OTOG: variants seen among roughly 807,000 people sequenced by gnomAD.
OTOG encodes the protein otogelin.
OTOG carries 296 observed loss-of-function variants against 313.8 expected under a neutral mutation model. That is an observed-to-expected ratio of 0.94 (90% confidence interval 0.86 to 1.04). The LOEUF is 1.04. Among genes scored for constraint, OTOG ranks in the 50% least tolerant of loss-of-function variants. The pLI is 0.00. For missense variants in OTOG, 3,948 were observed against 3,840.1 expected, an observed-to-expected ratio of 1.03 and a Z score of -0.74; for synonymous variants, 1,533 against 1,554.9, an observed-to-expected ratio of 0.99 and a Z score of 0.33.
chr11:17,593,302 T>C lies in OTOG; in HGVS notation c.3116T>C (p.Val1039Ala). 2 of 1,550,656 alleles carry C rather than the reference T, an allele frequency of 1.3e-6. No homozygotes were observed. Among genetic ancestry groups the C allele is most frequent in the South Asian group, 1.2e-5 (1 of 84,064 alleles). ...ATCAACGTTGGGAACTCACTCATTG[T>C]CTTTGATGATGACTCCGGAAATCCT... is the stretch of plus-strand genomic sequence containing the variant. ...ISINVGNSLI[V>A]FDDDSGNPSP... Residue 1039 changes from valine to alanine, a missense_variant, in exon 26 of 56, where the codon GTC becomes GCC. Val to Ala is a moderately conservative substitution (Grantham distance 64). Transcript: ENST00000399397.
chr11:17,561,601 T>G (rs1303162157), intron 14 of OTOG, 61 bp from the exon 15 acceptor site: 21 of 1,526,658 alleles, frequency 1.4e-5, no homozygotes, highest in South Asian at 3.6e-5. Flanking sequence ...ACTTGGAGCT[T>G]GCAGGGCAGA....
rs1213328932 is a variant in OTOG, at chr11:17,596,160, T to C, written c.3525+6T>C. 1.3e-6 allele frequency: 2 copies of C among 1,543,304 alleles called. No homozygotes were observed. The highest frequency in any genetic ancestry group is 2.4e-5 in the South Asian group (2 of 83,860). ...TTGAGATCTGCCACCCTGTGGTGAG[T>C]GTACCCCAGCCTCGGCTCCTCCCGA... On this transcript the variant is annotated splice_donor_region_variant and intron_variant, in intron 29 of 55. Coordinates refer to ENST00000399397, the MANE Select transcript of OTOG (RefSeq NM_001292063.2).
chr11:17,552,615 TCTCACATC>T (rs1851967783), intron 4 of OTOG, among the ~76,000 whole-genome samples: 3 of 150,858 alleles, frequency 2.0e-5, no homozygotes, highest in African/African-American at 4.9e-5. Flanking sequence ...CCACCTGTCC[TCTCACATC>T]ATGGCTCCTT....
At chr11:17,637,028 T>G (rs1157440652) in intron 47 of OTOG, among the ~76,000 whole-genome samples, 1 of 152,146 alleles carries the variant, frequency 6.6e-6, no homozygotes, top group Non-Finnish European at 1.5e-5. Context: ...TCGTCATACT[T>G]TTGCTATTAC....
chr11:17,576,874 C>T lies in OTOG; in HGVS notation c.2568C>T (p.Cys856=). The change falls in exon 22 of 56, where the codon TGC becomes TGT. Residue 856 remains cysteine (C), a synonymous_variant. Transcript: ENST00000399397. ...SDIPSLGHCH[C]KDGVMSCDSR... ...GGCCCGTCTCTCTCTGCAGCCACTG[C>T]AAAGATGGAGTCATGAGCTGTGATA... 1 of 1,550,422 alleles carries T rather than the reference C, an allele frequency of 6.4e-7. No homozygotes were observed. The highest frequency in any genetic ancestry group is 8.7e-7 in the Non-Finnish European group (1 of 1,146,964).
chr11:17,603,538 C>T (rs1328354197), intron 32 of OTOG, among the ~76,000 whole-genome samples: 1 of 152,158 alleles, frequency 6.6e-6, no homozygotes, highest in African/African-American at 2.4e-5. Flanking sequence ...GCCAGAGGGG[C>T]TCCAGTCCAG....
chr11:17,558,345 C>T, intron 9 of OTOG, 30 bp downstream of exon 9: 2 of 1,548,198 alleles, frequency 1.3e-6, no homozygotes, highest in Middle Eastern at 1.7e-4. Flanking sequence ...ACTCCCCTAC[C>T]CTAGAGCCTG....
chr11:17,555,930 T>C (rs1459632289), intron 7 of OTOG, 33 bp downstream of exon 7: 1 of 1,478,190 alleles, frequency 6.8e-7, no homozygotes, highest in African/African-American at 1.4e-5. Flanking sequence ...CGAGCTGTCC[T>C]ATCCCTGACA....
intron 1 of OTOG, among the ~76,000 whole-genome samples, chr11:17,547,702 G>A (rs1037142778): frequency 3.3e-5 from 5 of 152,096 alleles, no homozygotes; most frequent in African/African-American, 9.7e-5. Flanking sequence ...ACCCGAGGTG[G>A]GGAACTAGAG....
At chr11:17,578,852 T>G (rs1852600801) in intron 23 of OTOG, among the ~76,000 whole-genome samples, 1 of 152,180 alleles carries the variant, frequency 6.6e-6, no homozygotes, top group East Asian at 1.9e-4. Flanking sequence ...TCTGGCACGC[T>G]GGGCACTGCA....
In OTOG at chr11:17,557,131, C is replaced by T. The variant is rs774178947; in HGVS notation, c.673C>T (p.His225Tyr). 4.5e-6 allele frequency: 7 copies of T among 1,550,250 alleles called. No homozygotes were observed. The highest frequency in any genetic ancestry group is 1.2e-5 in the South Asian group (1 of 84,056). ...THGGMRVQLP[H>Y]VMGSARLQQL... ...TGTGCCCTGCAGGGTCCAACTGCCACATGTCATGGGGAGCGCGCGTCTGCA... is the reference window on the plus strand; with the variant it reads ...TGTGCCCTGCAGGGTCCAACTGCCATATGTCATGGGGAGCGCGCGTCTGCA... The change falls in exon 8 of 56, where the codon CAT becomes TAT. Residue 225 changes from histidine (H) to tyrosine (Y), a missense_variant. By Grantham distance (83) the His-to-Tyr change is moderately conservative (BLOSUM62 2). Transcript: ENST00000399397.
At chr11:17,608,944 G>A (rs992749074) in intron 34 of OTOG, among the ~76,000 whole-genome samples, 186 bp from the exon 35 acceptor site, 1 of 152,170 alleles carries the variant, frequency 6.6e-6, no homozygotes, top group Non-Finnish European at 1.5e-5. Flanking sequence ...TACACATTGG[G>A]TGTGTGTGCT....
intron 19 of OTOG, among the ~76,000 whole-genome samples, chr11:17,574,177 G>T (rs1024591478): frequency 2.0e-5 from 3 of 152,158 alleles, no homozygotes; most frequent in Non-Finnish European, 2.9e-5. Flanking sequence ...GGAGACTCTG[G>T]GGGGAGTGGG....
intron 47 of OTOG, among the ~76,000 whole-genome samples, chr11:17,637,392 A>C (rs1341622599): frequency 6.6e-6 from 1 of 152,130 alleles, no homozygotes; most frequent in Non-Finnish European, 1.5e-5. Flanking sequence ...TCATCCTAGC[A>C]CAGGTCCCTT....
intron 47 of OTOG, among the ~76,000 whole-genome samples, chr11:17,637,135 A>G (rs1328684014): frequency 6.6e-6 from 1 of 152,218 alleles, no homozygotes; most frequent in Admixed American, 6.5e-5. Context: ...TTCCACTGCC[A>G]ATGCTTTAGT....
chr11:17,558,057 C>G, intron 8 of OTOG, 128 bp from the exon 9 acceptor site: 1 of 1,193,840 alleles, frequency 8.4e-7, no homozygotes, highest in South Asian at 1.6e-5. Flanking sequence ...GGGATGGGAG[C>G]TCAGGAGACC....
rs1176399627 is a variant in OTOG at position 17,609,657 on chromosome 11, G to A, written c.4357G>A (p.Val1453Met). ...AACCTCTTCTTTTGTCTCCGCAGGT[G>A]TGGAGCCAGCAGTTTGGGTTCCCAC... is the stretch of plus-strand genomic sequence containing the variant. ...TQRCVYLEDC[V>M]EPAVWVPTEA... is the part of the protein sequence containing the mutation. Residue 1453 changes from valine to methionine, a missense_variant and splice_region_variant, in exon 36 of 56, where the codon GTG becomes ATG. Val to Met is a conservative substitution (Grantham distance 21, BLOSUM62 1). Coordinates refer to ENST00000399397, the MANE Select transcript of OTOG (RefSeq NM_001292063.2). 1.3e-6 allele frequency: 2 copies of A among 1,486,686 alleles called. No homozygotes were observed. The highest frequency in any genetic ancestry group is 1.4e-5 in the African/African-American group (1 of 71,084). The allele number at this position is 1,486,686 out of a possible 1,614,324, so 92.1% of individuals were successfully genotyped here.
chr11:17,554,603 T>G lies in OTOG; in HGVS notation c.540+1084T>G, dbSNP rs146989693. Reference sequence around the variant, plus strand: ...GGTGTGGGGAGACCCCAGTGTTCAGTGTCTCCCCTCTGCTAGCCATTTGTG... The same window carrying G: ...GGTGTGGGGAGACCCCAGTGTTCAGGGTCTCCCCTCTGCTAGCCATTTGTG... On this transcript the variant is annotated intron_variant, in intron 6 of 55. Transcript: ENST00000399397. Among the ~76,000 whole-genome samples the G allele has an allele frequency of 1.3e-3, 195 of 152,366 alleles. 2 individuals carry two copies. The highest frequency in any genetic ancestry group is 4.6e-3 in the African/African-American group (190 of 41,590).
intron 11 of OTOG, 68 bp from the exon 12 acceptor site, chr11:17,559,466 G>A: frequency 6.5e-7 from 1 of 1,544,178 alleles, no homozygotes; most frequent in Non-Finnish European, 8.7e-7. Flanking sequence ...CCACGGCCTG[G>A]GGTAGGAGCT....
Sources: allele counts gnomAD v4.1 joint callset (sites outside exome capture counted in the v4.1 genomes callset), GRCh38; gene constraint gnomAD v4.1.1; transcripts MANE v1.5; gene names NCBI Gene and HGNC (gene_info 2026-07-23, HGNC 2026-07-21).